The following ARHGAP21 variants were observed in gnomAD, a reference collection of about 807,000 sequenced individuals.
The protein encoded by ARHGAP21 is Rho GTPase activating protein 21.
In ARHGAP21, 38 loss-of-function variants were observed where a neutral mutation model predicts 164.6. That is an observed-to-expected ratio of 0.23 (90% CI 0.18 to 0.30). The LOEUF is 0.30. Among genes scored for constraint, ARHGAP21 ranks in the 10% least tolerant of loss-of-function variants. ARHGAP21 has a pLI of 1.00. For synonymous variants in ARHGAP21, 766 were observed against 857.9 expected (o/e 0.89, Z 1.87); for missense variants, 1,822 against 2,370.7 (o/e 0.77, Z 4.81).
intron 4 of ARHGAP21, among the ~76,000 whole-genome samples, chr10:24,663,549 G>A (rs1020040975): frequency 6.6e-6 from 1 of 152,102 alleles, no homozygotes; most frequent in Non-Finnish European, 1.5e-5. Flanking sequence ...ATTATTTTGA[G>A]ACAGAGTCTT....
intron 2 of ARHGAP21, among the ~76,000 whole-genome samples, chr10:24,671,200 C>T (rs546819177): frequency 5.9e-5 from 9 of 152,266 alleles, no homozygotes; most frequent in Non-Finnish European, 8.8e-5. Flanking sequence ...CAAAACCTAA[C>T]CCTGGATAAA....
intron 2 of ARHGAP21, among the ~76,000 whole-genome samples, chr10:24,679,246 G>A (rs888747978): frequency 6.6e-6 from 1 of 152,206 alleles, no homozygotes; most frequent in African/African-American, 2.4e-5. Context: ...TAGAGGCCCA[G>A]GAAGCCCAAG....
chr10:24,628,888 T>TATAC (rs1209250916), intron 7 of ARHGAP21: 2 of 109,618 alleles, frequency 1.8e-5, no homozygotes, highest in Non-Finnish European at 3.7e-5. Context: ...TATACACATA[T>TATAC]ATATACATAC....
At chr10:24,652,091 T>C (rs976307693) in intron 4 of ARHGAP21, among the ~76,000 whole-genome samples, 14 of 152,284 alleles carry the variant, frequency 9.2e-5, no homozygotes, top group Admixed American at 2.0e-4. Flanking sequence ...CATATTCTTC[T>C]TTTTTTAACA....
chr10:24,660,386 T>TAAAAAAAAA lies in ARHGAP21; in HGVS notation c.268+6590_268+6598dup, dbSNP rs56053080. Among the ~76,000 whole-genome samples, 51 of 60,078 alleles carry TAAAAAAAAA rather than the reference T, an allele frequency of 8.5e-4. 1 individual carries two copies. Among genetic ancestry groups the TAAAAAAAAA allele is most frequent in the East Asian group, 1.2e-3 (2 of 1,714 alleles). 39.4% of individuals were successfully genotyped at this position (60,078 alleles called of 152,430 possible). A position where few individuals can be genotyped will look rare whatever the true frequency, so the allele number is the denominator to read the frequency against. ...GCACAGAGCAACACCCTCTCTCTCT[T>TAAAAAAAAA]AAAAAAAAAAAAAAAAAAAAAAAAG... On this transcript the variant is annotated intron_variant, in intron 4 of 25. Coordinates refer to ENST00000396432, the MANE Select transcript of ARHGAP21 (RefSeq NM_020824.4).
chr10:24,595,654 C>G (rs1329699399), intron 19 of ARHGAP21, 63 bp downstream of exon 19: 6 of 1,500,644 alleles, frequency 4.0e-6, no homozygotes, highest in East Asian at 4.5e-5. Context: ...ATTTAATATT[C>G]TATGGTTTTC....
At chr10:24,586,241 CT>C (rs200057186) in intron 25 of ARHGAP21, 135 bp from the exon 26 acceptor site, 727 of 1,158,946 alleles carry the variant, frequency 6.3e-4, no homozygotes, top group Middle Eastern at 1.2e-3. Context: ...GTGCAATTAG[CT>C]TTTTTTTTAA....
At chr10:24,718,947 T>C (rs1252777518) in intron 2 of ARHGAP21, among the ~76,000 whole-genome samples, 3 of 152,034 alleles carry the variant, frequency 2.0e-5, no homozygotes, top group Non-Finnish European at 4.4e-5. Context: ...TTCTCTTCTT[T>C]GGCTTAAAAA....
chr10:24,622,012 C>A (rs544073975), intron 8 of ARHGAP21, among the ~76,000 whole-genome samples: 5 of 152,020 alleles, frequency 3.3e-5, no homozygotes, highest in Non-Finnish European at 7.4e-5. Context: ...GGTAACTCAT[C>A]GTTCTGTATA....
At chr10:24,624,337 CTT>C (rs565872094) in intron 7 of ARHGAP21, among the ~76,000 whole-genome samples, 26 of 102,860 alleles carry the variant, frequency 2.5e-4, no homozygotes, top group African/African-American at 3.2e-4. Context: ...TGTTCTAGAA[CTT>C]TTTTTTTTTT....
chr10:24,597,918 TA>T (rs2076654311), intron 15 of ARHGAP21, 26 bp downstream of exon 15: 1 of 1,601,026 alleles, frequency 6.2e-7, no homozygotes, highest in African/African-American at 1.3e-5. Flanking sequence ...ATATCCAAAT[TA>T]ACTGCAGGCA....
intron 4 of ARHGAP21, among the ~76,000 whole-genome samples, chr10:24,654,676 T>C (rs767378550): frequency 2.0e-5 from 3 of 152,150 alleles, no homozygotes; most frequent in Non-Finnish European, 4.4e-5. Context: ...ATCAATATTG[T>C]GAAAATGGCC....
chr10:24,602,003 C>T lies in ARHGAP21; in HGVS notation c.2822G>A (p.Arg941Gln), dbSNP rs747809170. Residue 941 changes from arginine (R) to glutamine (Q), a missense_variant, in exon 13 of 26, where the codon CGA (arginine) becomes CAA (glutamine). Arg to Gln is a conservative substitution (Grantham distance 43, BLOSUM62 1). Coordinates refer to ENST00000396432, the MANE Select transcript of ARHGAP21 (RefSeq NM_020824.4). ...DAAKEGWLHF[R>Q]PLVTDKGKRV... ...CTTGCCCTTATCGGTGACAAGGGGT[C>T]GGAAATGAAGCCACCCTTCCTTGGC... The T allele has an allele frequency of 1.2e-5, 20 of 1,611,258 alleles. No individual in the cohort carries two copies. In the Admixed American group the frequency reaches 2.2e-4, roughly 17 times the overall value.
At chr10:24,648,118 C>T (rs560549797) in intron 4 of ARHGAP21, among the ~76,000 whole-genome samples, 107 of 152,282 alleles carry the variant, frequency 7.0e-4, no homozygotes, top group African/African-American at 2.5e-3. Context: ...GGATTACAGG[C>T]GTGAGCCACT....
At chr10:24,697,394 G>A (rs1477520853) in intron 2 of ARHGAP21, among the ~76,000 whole-genome samples, 1 of 152,078 alleles carries the variant, frequency 6.6e-6, no homozygotes, top group Admixed American at 6.6e-5. Flanking sequence ...ACACCTTTTG[G>A]TCTAGTATGT....
At chr10:24,690,561 G>A (rs1842671309) in intron 2 of ARHGAP21, among the ~76,000 whole-genome samples, 1 of 152,048 alleles carries the variant, frequency 6.6e-6, no homozygotes, top group African/African-American at 2.4e-5. Flanking sequence ...GGGCGTGGTG[G>A]CTCACTCTTG....
intron 2 of ARHGAP21, among the ~76,000 whole-genome samples, chr10:24,676,537 C>T (rs778364053): frequency 1.1e-4 from 16 of 152,042 alleles, no homozygotes; most frequent in Non-Finnish European, 1.5e-4. Flanking sequence ...ACTCCAAAAG[C>T]GGGGAGGGTG....
chr10:24,608,117 T>TAAA (rs111303269), intron 9 of ARHGAP21, among the ~76,000 whole-genome samples: 5,619 of 152,220 alleles, frequency 0.037, 317 homozygotes, highest in African/African-American at 0.12. Flanking sequence ...TGTAAGAAAT[T>TAAA]AAATGAGCTG....
intron 2 of ARHGAP21, among the ~76,000 whole-genome samples, chr10:24,703,382 A>G (rs1843899268): frequency 6.6e-6 from 1 of 152,204 alleles, no homozygotes; most frequent in Non-Finnish European, 1.5e-5. Flanking sequence ...TCAACACGCC[A>G]GCACTATGTT....
Sources: allele counts gnomAD v4.1 joint callset (sites outside exome capture counted in the v4.1 genomes callset), GRCh38; gene constraint gnomAD v4.1.1; transcripts MANE v1.5; gene names NCBI Gene and HGNC (gene_info 2026-07-23, HGNC 2026-07-21).